The following DNAH7 variants were observed in gnomAD, a reference collection of about 807,000 sequenced individuals.
The protein encoded by DNAH7 is axonemal beta dynein heavy chain 7.
A neutral mutation model predicts 444.6 loss-of-function variants in DNAH7; 397 were observed. The ratio of observed to expected loss-of-function variants is 0.89; its 90% confidence interval spans 0.82 to 0.97. DNAH7 has a LOEUF of 0.97. Among genes scored for constraint, DNAH7 ranks in the 50% least tolerant of loss-of-function variants. The pLI, the probability that DNAH7 is intolerant of heterozygous loss-of-function variation, is 0.00. For synonymous variants in DNAH7, 1,636 were observed against 1,624.4 expected (o/e 1.01, Z -0.17); for missense variants, 4,902 against 4,800.8 (o/e 1.02, Z -0.62).
chr2:195,886,213 A>G lies in DNAH7; in HGVS notation c.5466T>C (p.Cys1822=). ...LVRSLMNLID[C]FMDDFADEVK... ...CTTCATCAGCAAAATCATCCATAAAACAGTCTATTAGATTCATTAAGGACC... is the reference window on the plus strand; with the variant it reads ...CTTCATCAGCAAAATCATCCATAAAGCAGTCTATTAGATTCATTAAGGACC... The change falls in exon 34 of 65, where the codon TGT becomes TGC. Residue 1822 remains cysteine (C), a synonymous_variant. Coordinates refer to ENST00000312428, the MANE Select transcript of DNAH7 (RefSeq NM_018897.3). The G allele has an allele frequency of 1.2e-6, 2 of 1,613,938 alleles. No individual in the cohort carries two copies. Among genetic ancestry groups the G allele is most frequent in the Non-Finnish European group, 1.7e-6 (2 of 1,179,922 alleles).
chr2:196,016,300 A>C (rs1390013519), intron 9 of DNAH7, among the ~76,000 whole-genome samples: 1 of 152,184 alleles, frequency 6.6e-6, no homozygotes, highest in Admixed American at 6.5e-5. Context: ...CACAAACATA[A>C]TTTGTGAAAG....
intron 13 of DNAH7, among the ~76,000 whole-genome samples, 173 bp downstream of exon 13, chr2:195,987,784 G>A (rs1478910512): frequency 6.6e-6 from 1 of 152,020 alleles, no homozygotes; most frequent in Non-Finnish European, 1.5e-5. Flanking sequence ...GTTTTGCCTA[G>A]ATTCTTATAC....
At chr2:195,748,522 C>T (rs1444282132) in intron 63 of DNAH7, among the ~76,000 whole-genome samples, 5 of 152,184 alleles carry the variant, frequency 3.3e-5, no homozygotes, top group South Asian at 4.1e-4. Flanking sequence ...GAGCCCACAT[C>T]GCGAAGTCAA....
At chr2:195,973,986 C>T (rs552035375) in intron 15 of DNAH7, among the ~76,000 whole-genome samples, 1 of 151,762 alleles carries the variant, frequency 6.6e-6, no homozygotes, top group Non-Finnish European at 1.5e-5. Context: ...CTGAGGCAGG[C>T]GAATTGCTTG....
At chr2:195,882,028 AAAAT>A in intron 35 of DNAH7, 36 bp from the exon 36 acceptor site, 1 of 1,555,844 alleles carries the variant, frequency 6.4e-7, no homozygotes. Context: ...TGAATGCTAT[AAAAT>A]ACTTTAAAAA....
intron 61 of DNAH7, among the ~76,000 whole-genome samples, chr2:195,769,974 A>G (rs187119669): frequency 7.0e-4 from 107 of 152,282 alleles, no homozygotes; most frequent in Middle Eastern, 3.4e-3. Context: ...TGACCAAAAT[A>G]TAATTCTTGA....
At chr2:195,879,243 C>T (rs1405467576) in intron 36 of DNAH7, among the ~76,000 whole-genome samples, 4 of 152,012 alleles carry the variant, frequency 2.6e-5, no homozygotes, top group Non-Finnish European at 5.9e-5. Flanking sequence ...CAGCGACACG[C>T]TGAGTCTAAA....
chr2:195,940,690 C>A (rs1480271688), intron 19 of DNAH7, among the ~76,000 whole-genome samples: 1 of 151,684 alleles, frequency 6.6e-6, no homozygotes, highest in East Asian at 1.9e-4. Context: ...AAAAAACCAA[C>A]CCCATCAAAA....
intron 19 of DNAH7, among the ~76,000 whole-genome samples, chr2:195,948,901 G>A (rs184470329): frequency 1.8e-4 from 28 of 152,202 alleles, no homozygotes; most frequent in African/African-American, 5.3e-4. Context: ...CCATTTTCAC[G>A]ATACTGATTC....
rs1248171107 is a variant in DNAH7, at chr2:195,742,155, G to A, written c.11765-1286C>T. On this transcript the variant is annotated intron_variant, in intron 63 of 64. Transcript: ENST00000312428. Reference sequence around the variant, plus strand: ...TTGATTCCAGGGCAGTGGAGGGGTGGACTTGCGTGAGGGGAGAGATGGGTC... The same window carrying A: ...TTGATTCCAGGGCAGTGGAGGGGTGAACTTGCGTGAGGGGAGAGATGGGTC... 2.0e-5 allele frequency among the ~76,000 whole-genome samples: 3 copies of A among 152,296 alleles called. No individual in the cohort carries two copies. The East Asian group carries it at 5.8e-4, about 29-fold the overall frequency.
intron 19 of DNAH7, among the ~76,000 whole-genome samples, chr2:195,950,866 A>AAAAC (rs1690192038): frequency 3.4e-5 from 5 of 149,154 alleles, no homozygotes; most frequent in Non-Finnish European, 5.9e-5. Flanking sequence ...AAAAAAAAAA[A>AAAAC]AAAAAAAAAA....
intron 5 of DNAH7, among the ~76,000 whole-genome samples, chr2:196,039,322 G>A (rs1316821641): frequency 1.3e-5 from 2 of 152,048 alleles, no homozygotes; most frequent in African/African-American, 4.8e-5. Context: ...TGAAAACATA[G>A]TATACTAAAA....
At chr2:195,867,596 C>T (rs1700419226) in intron 40 of DNAH7, among the ~76,000 whole-genome samples, 1 of 152,142 alleles carries the variant, frequency 6.6e-6, no homozygotes, top group Admixed American at 6.5e-5. Context: ...CTTCTCATTA[C>T]CACCAGCCCT....
At chr2:195,886,716 A>G (rs1337562295) in intron 33 of DNAH7, among the ~76,000 whole-genome samples, 2 of 152,178 alleles carry the variant, frequency 1.3e-5, no homozygotes, top group Non-Finnish European at 2.9e-5. Flanking sequence ...GGAGCCCTCA[A>G]AAGCCTTGCT....
intron 55 of DNAH7, among the ~76,000 whole-genome samples, chr2:195,797,042 T>A (rs754505649): frequency 2.0e-5 from 3 of 152,182 alleles, no homozygotes; most frequent in Non-Finnish European, 2.9e-5. Context: ...AAGGAGGAGA[T>A]GAAAGGCACT....
intron 40 of DNAH7, 117 bp from the exon 41 acceptor site, chr2:195,865,138 TA>T (rs946306821): frequency 2.1e-6 from 2 of 955,368 alleles, no homozygotes; most frequent in African/African-American, 3.3e-5. Flanking sequence ...CAGGTTTTAT[TA>T]AAAGTATATC....
At chr2:195,838,315 C>T (rs1022046421) in intron 47 of DNAH7, among the ~76,000 whole-genome samples, 1 of 151,986 alleles carries the variant, frequency 6.6e-6, no homozygotes, top group East Asian at 1.9e-4. Context: ...TCCAAAATTA[C>T]TCAACACACA....
At position 195,974,755 on chromosome 2, in the gene DNAH7, T is replaced by TACACACACACAC. The variant is rs58054572; in HGVS notation, c.1834-2301_1834-2290dup. ...TATATATAGGCATGTATGTATATTT[T>TACACACACACAC]ACACACACACACACACACACACACA... is the stretch of plus-strand genomic sequence containing the variant. On this transcript the variant is annotated intron_variant, in intron 15 of 64. Transcript: ENST00000312428. Among the ~76,000 whole-genome samples, 123 of 143,654 alleles carry TACACACACACAC rather than the reference T, an allele frequency of 8.6e-4. 2 individuals carry two copies. Among genetic ancestry groups the TACACACACACAC allele is most frequent in the African/African-American group, 2.9e-3 (111 of 38,218 alleles). The allele number at this position is 143,654 out of a possible 152,430, so 94.2% of individuals were successfully genotyped here. A position where few individuals can be genotyped will look rare whatever the true frequency, so the allele number is the denominator to read the frequency against.
intron 60 of DNAH7, among the ~76,000 whole-genome samples, chr2:195,772,523 A>G (rs543266196): frequency 2.6e-4 from 39 of 152,166 alleles, no homozygotes; most frequent in African/African-American, 9.1e-4. Context: ...AAATGAATCT[A>G]TATTTTCTGA....
Sources: allele counts gnomAD v4.1 joint callset (sites outside exome capture counted in the v4.1 genomes callset), GRCh38; gene constraint gnomAD v4.1.1; transcripts MANE v1.5; gene names NCBI Gene and HGNC (gene_info 2026-07-23, HGNC 2026-07-21).